The following GRK5 variants were observed in gnomAD, a reference collection of about 807,000 sequenced individuals.
GRK5 encodes the protein g protein-coupled receptor kinase GRK5.
Under a neutral mutation model 78.4 loss-of-function variants are expected in GRK5, and 40 were observed. The observed-to-expected ratio is 0.51, with a 90% CI of 0.40 to 0.66. GRK5 has a LOEUF of 0.66. GRK5 is among the 30% of genes least tolerant of loss of function. GRK5 has a pLI of 0.00. For missense variants in GRK5, 598 were observed against 759.9 expected, an observed-to-expected ratio of 0.79 and a Z score of 2.50; for synonymous variants, 289 against 296.8, an observed-to-expected ratio of 0.97 and a Z score of 0.27.
At chr10:119,366,456 G>C (rs1183740772) in intron 2 of GRK5, among the ~76,000 whole-genome samples, 1 of 152,190 alleles carries the variant, frequency 6.6e-6, no homozygotes, top group African/African-American at 2.4e-5. Flanking sequence ...TCAGTTACAT[G>C]ATCACACATG....
intron 2 of GRK5, among the ~76,000 whole-genome samples, chr10:119,361,387 C>G (rs768372094): frequency 6.6e-6 from 1 of 152,256 alleles, no homozygotes; most frequent in Non-Finnish European, 1.5e-5. Context: ...TTCTCTTACT[C>G]AGCAAGCCCT....
At chr10:119,388,873 G>A (rs989199164) in intron 3 of GRK5, among the ~76,000 whole-genome samples, 10 of 152,224 alleles carry the variant, frequency 6.6e-5, no homozygotes, top group African/African-American at 9.6e-5. Flanking sequence ...GCTGGCTGTT[G>A]GCAGGAGGGA....
At chr10:119,263,878 A>G (rs1443112431) in intron 1 of GRK5, among the ~76,000 whole-genome samples, 1 of 152,190 alleles carries the variant, frequency 6.6e-6, no homozygotes, top group African/African-American at 2.4e-5. Flanking sequence ...CAGTGAGCTG[A>G]GATCGTGCCA....
intron 1 of GRK5, among the ~76,000 whole-genome samples, chr10:119,299,965 C>G (rs1372222488): frequency 6.6e-6 from 1 of 152,140 alleles, no homozygotes; most frequent in Admixed American, 6.5e-5. Context: ...CTCCCCCTTC[C>G]CCACCCCACG....
intron 1 of GRK5, among the ~76,000 whole-genome samples, chr10:119,314,452 G>A (rs920545074): frequency 2.0e-5 from 3 of 152,214 alleles, no homozygotes; most frequent in South Asian, 2.1e-4. Context: ...GGTGCCAGCC[G>A]CGGAATGCAC....
chr10:119,403,638 T>C (rs2133861991), intron 4 of GRK5, among the ~76,000 whole-genome samples: 1 of 152,192 alleles, frequency 6.6e-6, no homozygotes, highest in Middle Eastern at 3.4e-3. Flanking sequence ...TTTTTGTTGT[T>C]GTTGTTGTTG....
At chr10:119,300,561 C>T (rs932198055) in intron 1 of GRK5, among the ~76,000 whole-genome samples, 1 of 152,282 alleles carries the variant, frequency 6.6e-6, no homozygotes, top group African/African-American at 2.4e-5. Flanking sequence ...CAGATAGTCG[C>T]CCAGCTTATA....
At chr10:119,381,036 C>T in intron 3 of GRK5, 109 bp downstream of exon 3, 7 of 665,336 alleles carry the variant, frequency 1.1e-5, no homozygotes, top group Non-Finnish European at 1.9e-5. Flanking sequence ...GGAATAAACT[C>T]ACTGCTTACA....
intron 1 of GRK5, among the ~76,000 whole-genome samples, chr10:119,226,581 C>A (rs1434507167): frequency 6.8e-6 from 1 of 146,592 alleles, no homozygotes; most frequent in Non-Finnish European, 1.5e-5. Flanking sequence ...CAGTCTCACG[C>A]TTGCCCAGGC....
At chr10:119,219,769 C>T (rs905883011) in intron 1 of GRK5, among the ~76,000 whole-genome samples, 3 of 152,176 alleles carry the variant, frequency 2.0e-5, no homozygotes, top group Non-Finnish European at 4.4e-5. Context: ...TAAATATTTG[C>T]ATTAGACCAA....
chr10:119,323,966 G>A (rs1373353159), intron 1 of GRK5, among the ~76,000 whole-genome samples: 2 of 152,172 alleles, frequency 1.3e-5, no homozygotes, highest in African/African-American at 4.8e-5. Flanking sequence ...CAGTGAACAA[G>A]CAAGCAGACA....
intron 3 of GRK5, among the ~76,000 whole-genome samples, chr10:119,390,831 G>A (rs1158841684): frequency 2.6e-5 from 4 of 152,144 alleles, no homozygotes; most frequent in African/African-American, 7.2e-5. Context: ...AGAAAATTGT[G>A]AGAGATACAA....
chr10:119,443,764 G>A lies in GRK5; in HGVS notation c.1266+12G>A, dbSNP rs1336081110. On this transcript the variant is annotated intron_variant, in intron 12 of 15. Coordinates refer to ENST00000392870, the MANE Select transcript of GRK5 (RefSeq NM_005308.3). ...CCATCTGCAAGATGGTGAGCTCCTG[G>A]TGGCCAGATGCCACCCTCAAGCTGG... 3 of 1,584,068 alleles carry A rather than the reference G, an allele frequency of 1.9e-6. No individual in the cohort carries two copies. Among genetic ancestry groups the A allele is most frequent in the Non-Finnish European group, 2.6e-6 (3 of 1,160,482 alleles).
chr10:119,241,987 T>C (rs1352064262), intron 1 of GRK5, among the ~76,000 whole-genome samples: 1 of 151,916 alleles, frequency 6.6e-6, no homozygotes, highest in African/African-American at 2.4e-5. Flanking sequence ...AGGAAATGTA[T>C]GGTAAATAAG....
intron 11 of GRK5, among the ~76,000 whole-genome samples, chr10:119,442,378 G>A (rs557148868): frequency 2.0e-4 from 31 of 152,320 alleles, no homozygotes; most frequent in African/African-American, 6.7e-4. Flanking sequence ...GGCATACAGC[G>A]CTGCTAGGGG....
intron 1 of GRK5, among the ~76,000 whole-genome samples, chr10:119,237,311 C>T (rs890061308): frequency 4.6e-5 from 7 of 152,196 alleles, no homozygotes; most frequent in Admixed American, 1.3e-4. Flanking sequence ...GATTTGCCCC[C>T]GTTGGCCTCC....
chr10:119,209,232 G>A (rs1487664137), intron 1 of GRK5, among the ~76,000 whole-genome samples: 1 of 152,108 alleles, frequency 6.6e-6, no homozygotes, highest in Non-Finnish European at 1.5e-5. Context: ...CCTTCCGTGG[G>A]CAGCGTTTCA....
At chr10:119,366,365 G>A (rs1056266036) in intron 2 of GRK5, among the ~76,000 whole-genome samples, 8 of 151,960 alleles carry the variant, frequency 5.3e-5, no homozygotes, top group Admixed American at 2.6e-4. Flanking sequence ...AGGGGGTGGC[G>A]GAGGAGAGAG....
At chr10:119,287,878 G>T (rs767275759) in intron 1 of GRK5, among the ~76,000 whole-genome samples, 1 of 152,220 alleles carries the variant, frequency 6.6e-6, no homozygotes, top group African/African-American at 2.4e-5. Context: ...AGTTGCCCAG[G>T]TAGACACAGC....
Sources: gnomAD v4.1 joint callset for allele counts (sites outside exome capture counted in the v4.1 genomes callset) on GRCh38, gnomAD v4.1.1 for gene constraint, MANE v1.5 for transcripts, NCBI Gene and HGNC (gene_info 2026-07-23, HGNC 2026-07-21) for gene names.